Variants in MYOF observed in about 807,000 individuals in gnomAD.
The protein encoded by MYOF is myoferlin.
In MYOF, 244 loss-of-function variants were observed where a neutral mutation model predicts 284.2. The observed-to-expected ratio is 0.86, with a 90% confidence interval of 0.77 to 0.95. The LOEUF (loss-of-function observed/expected upper bound fraction) is 0.95. Ranked by LOEUF, MYOF falls within the 40% of genes least tolerant of loss-of-function variation. MYOF has a pLI of 0.00. For synonymous variants in MYOF, 904 were observed against 919.7 expected (o/e 0.98, Z 0.31); for missense variants, 2,496 against 2,560.6 (o/e 0.97, Z 0.54).
At chr10:93,338,007 G>T (rs1589410474) in intron 39 of MYOF, 94 bp from the exon 40 acceptor site, 5 of 903,320 alleles carry the variant, frequency 5.5e-6, no homozygotes. Context: ...GAAGAAATAG[G>T]TTCTTCTGAC....
chr10:93,392,833 AG>A (rs1846763914), intron 17 of MYOF, 83 bp downstream of exon 17: 6 of 1,296,416 alleles, frequency 4.6e-6, no homozygotes, highest in Non-Finnish European at 6.5e-6. Context: ...GTCAAAAAAA[AG>A]TTCTAAAGAC....
At chr10:93,336,154 G>A (rs755501691) in intron 40 of MYOF, 108 bp from the exon 41 acceptor site, 57 of 1,271,852 alleles carry the variant, frequency 4.5e-5, no homozygotes, top group South Asian at 1.6e-4. Flanking sequence ...TGGGGCGACC[G>A]GAACTCCCAA....
At chr10:93,396,082 T>C in intron 16 of MYOF, 60 bp downstream of exon 16, 1 of 1,379,742 alleles carries the variant, frequency 7.2e-7, no homozygotes, top group Non-Finnish European at 1.0e-6. Flanking sequence ...GTTCATTTTT[T>C]TCTCAGACTG....
At position 93,319,959 on chromosome 10, in the gene MYOF, A is replaced by G; in HGVS notation, c.5511T>C (p.Ser1837=). The G allele has an allele frequency of 6.2e-7, 1 of 1,614,182 alleles. No homozygotes were observed. Among genetic ancestry groups the G allele is most frequent in the South Asian group, 1.1e-5 (1 of 91,082 alleles). ...NKQKTDVHYR[S]LDGEGNFNWR... ...AGTTAAAATTCCCTTCACCATCCAA[A>G]GATCTGTAATGGACATCTGTTTTCT... Residue 1837 remains serine, a synonymous_variant, in exon 49 of 54, where the codon TCT becomes TCC. Coordinates refer to ENST00000359263, the MANE Select transcript of MYOF (RefSeq NM_013451.4).
intron 19 of MYOF, among the ~76,000 whole-genome samples, chr10:93,384,478 A>G (rs1846266738): frequency 6.6e-6 from 1 of 152,130 alleles, no homozygotes; most frequent in Admixed American, 6.5e-5. Flanking sequence ...CTCTATCTCT[A>G]CTAAAAATAC....
At chr10:93,455,638 C>A (rs1276588558) in intron 2 of MYOF, among the ~76,000 whole-genome samples, 1 of 152,110 alleles carries the variant, frequency 6.6e-6, no homozygotes, top group Admixed American at 6.6e-5. Flanking sequence ...GCACTCCAAC[C>A]TGAGGGAGAC....
At position 93,369,721 on chromosome 10, in the gene MYOF, A is replaced by T. The variant is rs1182898502; in HGVS notation, c.2513T>A (p.Ile838Asn). ...CTCCACAGCACTTAAGCCTAGCCAG[A>T]TGTTCACTCGCAACTCCACAGGCAC... ...PKVPVELRVN[I>N]WLGLSAVEKK... is the part of the protein sequence containing the mutation. The change falls in exon 25 of 54, where the codon ATC (isoleucine) becomes AAC (asparagine). Residue 838 changes from isoleucine (I) to asparagine (N), a missense_variant. Ile to Asn is a moderately radical substitution (Grantham distance 149). Around this residue, in one of 3 missense-constraint regions of MYOF, gnomAD observed 2,436 missense variants for 2,480.7 expected, o/e 0.98. Transcript: ENST00000359263. 1.2e-6 allele frequency: 2 copies of T among 1,614,106 alleles called. No homozygotes were observed. Among genetic ancestry groups the T allele is most frequent in the Admixed American group, 1.7e-5 (1 of 60,010 alleles).
intron 13 of MYOF, 136 bp downstream of exon 13, chr10:93,399,256 A>G: frequency 1.6e-6 from 1 of 636,376 alleles, no homozygotes; most frequent in South Asian, 2.0e-5. Flanking sequence ...GACTCAGATA[A>G]TCTGTGTTCC....
chr10:93,446,475 T>A (rs1361967421), intron 3 of MYOF, among the ~76,000 whole-genome samples: 1 of 152,056 alleles, frequency 6.6e-6, no homozygotes, highest in Non-Finnish European at 1.5e-5. Flanking sequence ...ACAGGACAGG[T>A]AAGTTTTGTA....
intron 15 of MYOF, 149 bp from the exon 16 acceptor site, chr10:93,396,373 CTT>C (rs1847011992): frequency 1.9e-6 from 1 of 539,478 alleles, no homozygotes; most frequent in Non-Finnish European, 3.2e-6. Context: ...GGGCCTCAAA[CTT>C]TATTGTACTT....
At chr10:93,439,383 G>GTGCCTGCC (rs10609992) in intron 3 of MYOF, among the ~76,000 whole-genome samples, 10 of 152,246 alleles carry the variant, frequency 6.6e-5, no homozygotes, top group Non-Finnish European at 8.8e-5. Context: ...GACCAATTCT[G>GTGCCTGCC]TGCCTGCCTG....
intron 10 of MYOF, 120 bp from the exon 11 acceptor site, chr10:93,402,467 TC>T: frequency 1.3e-6 from 1 of 754,582 alleles, no homozygotes; most frequent in Non-Finnish European, 2.2e-6. Context: ...CACACCAAAT[TC>T]CCCAGATGAG....
chr10:93,425,846 T>C, intron 5 of MYOF: 2 of 574,252 alleles, frequency 3.5e-6, no homozygotes, highest in Non-Finnish European at 6.2e-6. Context: ...CGTGAGGTTG[T>C]TCAGTAAAGG....
chr10:93,349,010 T>C (rs572792432), intron 36 of MYOF, among the ~76,000 whole-genome samples: 132 of 152,214 alleles, frequency 8.7e-4, no homozygotes, highest in Admixed American at 1.4e-3. Flanking sequence ...CACGTGACCC[T>C]AGAGTTCAAG....
rs542114620 is a variant in MYOF, at chr10:93,413,850, G to A, written c.434-4111C>T. Among the ~76,000 whole-genome samples the A allele has an allele frequency of 1.6e-4, 25 of 152,096 alleles. No individual in the cohort carries two copies. The South Asian group carries it at 3.3e-3, about 20-fold the overall frequency. On this transcript the variant is annotated intron_variant, in intron 5 of 53. Coordinates refer to ENST00000359263, the MANE Select transcript of MYOF (RefSeq NM_013451.4). ...TACAAAAAAAATTTAAAAACTAGCCGGGTGTGGTGGTGCACACCTGTAGTC... is the reference window on the plus strand; with the variant it reads ...TACAAAAAAAATTTAAAAACTAGCCAGGTGTGGTGGTGCACACCTGTAGTC...
intron 5 of MYOF, among the ~76,000 whole-genome samples, chr10:93,416,213 G>T (rs1353995282): frequency 6.6e-6 from 1 of 152,202 alleles, no homozygotes; most frequent in Non-Finnish European, 1.5e-5. Flanking sequence ...GCAAACAGAA[G>T]TAATCACCAA....
chr10:93,317,820 C>A (rs1029528520), intron 49 of MYOF, among the ~76,000 whole-genome samples: 1 of 152,218 alleles, frequency 6.6e-6, no homozygotes, highest in Non-Finnish European at 1.5e-5. Flanking sequence ...CACCTAAGTT[C>A]CTCTGGCCCC....
In MYOF at chr10:93,401,559, T is replaced by C; in HGVS notation, c.991-15A>G. On this transcript the variant is annotated splice_polypyrimidine_tract_variant and intron_variant, in intron 11 of 53. Coordinates refer to ENST00000359263, the MANE Select transcript of MYOF (RefSeq NM_013451.4). ...CGTCTCTCAGGCTATTAGGGGCACA[T>C]GATTTAAATTATACATACAGAAAAG... 1 of 1,612,846 alleles carries C rather than the reference T, an allele frequency of 6.2e-7. No homozygotes were observed. The highest frequency in any genetic ancestry group is 8.5e-7 in the Non-Finnish European group (1 of 1,179,578).
rs367778124 is a variant in MYOF at position 93,351,792 on chromosome 10, T to C, written c.3536A>G (p.His1179Arg). 1 of 1,595,680 alleles carries C rather than the reference T, an allele frequency of 6.3e-7. No homozygotes were observed. The highest frequency in any genetic ancestry group is 8.5e-7 in the Non-Finnish European group (1 of 1,175,862). Residue 1179 changes from histidine (H) to arginine (R), a missense_variant, in exon 33 of 54, where the codon CAT (histidine) becomes CGT (arginine). This residue lies in a region of MYOF where 2,436 missense variants were observed against 2,480.7 expected (regional missense o/e 0.98). Coordinates refer to ENST00000359263, the MANE Select transcript of MYOF (RefSeq NM_013451.4). The stretch of plus-strand genomic sequence containing the variant: ...GTCCCACGTGGGATTCAGGGTTGAA[T>C]GGATGATCTCAGTGGTTTTGCTCCG... ...LHRSKTTEII[H>R]STLNPTWDQT...
Sources: gnomAD v4.1 joint callset for allele counts (sites outside exome capture counted in the v4.1 genomes callset) on GRCh38, gnomAD v4.1.1 for gene constraint, gnomAD v4.1.1 regional missense constraint, MANE v1.5 for transcripts, NCBI Gene and HGNC (gene_info 2026-07-23, HGNC 2026-07-21) for gene names.